The following AKAP8 variants were observed in gnomAD, a reference collection of about 807,000 sequenced individuals.
AKAP8 encodes the protein A-kinase anchor protein 8.
Under a neutral mutation model 67.5 loss-of-function variants are expected in AKAP8, and 24 were observed. The ratio of observed to expected loss-of-function variants is 0.36; its 90% CI spans 0.26 to 0.50. AKAP8 has a LOEUF of 0.50. AKAP8 is among the 20% of genes least tolerant of loss of function. The probability of loss-of-function intolerance (pLI) is 0.97; values close to 1 mark genes in which losing one functional copy is unlikely to be tolerated. For missense variants in AKAP8, 971 were observed against 955.9 expected (o/e 1.02, Z -0.21); for synonymous variants, 400 against 371.1 (o/e 1.08, Z -0.90).
At chr19:15,377,281 C>T (rs527447525) in intron 1 of AKAP8, among the ~76,000 whole-genome samples, 200 of 152,254 alleles carry the variant, frequency 1.3e-3, no homozygotes, top group African/African-American at 4.7e-3. Flanking sequence ...GGCCAAGGAC[C>T]TCACCTCTCC....
At position 15,360,861 on chromosome 19, in the gene AKAP8, T is replaced by C. The variant is rs748593622; in HGVS notation, c.1514A>G (p.Asn505Ser). The C allele has an allele frequency of 6.8e-6, 11 of 1,613,000 alleles. No homozygotes were observed. Among genetic ancestry groups the C allele is most frequent in the East Asian group, 2.2e-5 (1 of 44,872 alleles). Residue 505 changes from asparagine to serine, a missense_variant, in exon 12 of 14, where the codon AAT becomes AGT. By Grantham distance (46) the Asn-to-Ser change is conservative (BLOSUM62 1). Transcript: ENST00000269701. ...LQRHLHSVDH[N>S]HNRRLAAEQF... ...AGGAAGACTCACCCTGCGGTTGTGA[T>C]TGTGGTCCACGGAGTGCAGGTGCCG...
At chr19:15,370,058 A>AG (rs1967129032) in intron 8 of AKAP8, 88 bp downstream of exon 8, 20 of 1,531,514 alleles carry the variant, frequency 1.3e-5, no homozygotes, top group Non-Finnish European at 1.8e-5. Flanking sequence ...CCCTCCATCC[A>AG]GGCCCCTGGC....
At chr19:15,363,483 G>T (rs1322076338) in intron 9 of AKAP8, among the ~76,000 whole-genome samples, 6 of 134,404 alleles carry the variant, frequency 4.5e-5, no homozygotes, top group Admixed American at 7.2e-5. Context: ...GGAGGGAGGT[G>T]GGGGGGGTCA....
chr19:15,361,565 G>A, intron 11 of AKAP8, 164 bp downstream of exon 11: 1 of 579,822 alleles, frequency 1.7e-6, no homozygotes, highest in South Asian at 2.0e-5. Flanking sequence ...TGTCAGACAG[G>A]ATGGCCTTGA....
chr19:15,373,024 C>T lies in AKAP8; in HGVS notation c.688G>A (p.Val230Met), dbSNP rs1231034890. The T allele has an allele frequency of 3.1e-6, 5 of 1,589,128 alleles. No individual in the cohort carries two copies. The highest frequency in any genetic ancestry group is 2.7e-5 in the African/African-American group (2 of 74,458). ...LSTPWNELNYVGGRGLGGPSP... is the reference protein window; with the variant it reads ...LSTPWNELNYMGGRGLGGPSP... The stretch of plus-strand genomic sequence containing the variant: ...GGCCCTCCCAGGCCCCGTCCACCCA[C>T]GTAGTTCAGCTCGTTCCAGGGCGTG... Residue 230 changes from valine to methionine, a missense_variant, in exon 5 of 14, where the codon GTG (valine) becomes ATG (methionine). By Grantham distance (21) the Val-to-Met change is conservative (BLOSUM62 1). Around this residue, in one of 3 missense-constraint regions of AKAP8, gnomAD observed 763 missense variants for 745.4 expected, o/e 1.02. Coordinates refer to ENST00000269701, the MANE Select transcript of AKAP8 (RefSeq NM_005858.4).
intron 7 of AKAP8, among the ~76,000 whole-genome samples, chr19:15,370,945 T>C (rs1967146906): frequency 1.3e-5 from 2 of 152,160 alleles, no homozygotes. Flanking sequence ...TTACCCGATG[T>C]CTTAATAACA....
At chr19:15,363,454 C>T (rs1258040555) in intron 9 of AKAP8, among the ~76,000 whole-genome samples, 1 of 148,756 alleles carries the variant, frequency 6.7e-6, no homozygotes, top group Non-Finnish European at 1.5e-5. Context: ...CCCCCCTGCC[C>T]GGCCAGCCGC....
At chr19:15,378,557 G>A (rs1967299110) in intron 1 of AKAP8, among the ~76,000 whole-genome samples, 1 of 152,214 alleles carries the variant, frequency 6.6e-6, no homozygotes, top group South Asian at 2.1e-4. Flanking sequence ...GGAAGACCAG[G>A]AGAGCCAGGC....
chr19:15,361,744 GT>G lies in AKAP8; in HGVS notation c.1380del (p.Lys460AsnfsTer28). On this transcript the variant is annotated frameshift_variant, in exon 11 of 14. Coordinates refer to ENST00000269701, the MANE Select transcript of AKAP8 (RefSeq NM_005858.4). LOFTEE classifies it high-confidence loss of function. ...GACAACTCACCTTTGAAAGGATCTG[GT>G]TTTGGTTTTGCGGTTTCTTTCTCCA... ...ELMEKETAKP[K>X]PDPFKGIGQE... is the part of the protein sequence containing the mutation. 1 of 1,613,056 alleles carries G rather than the reference GT, an allele frequency of 6.2e-7. No individual in the cohort carries two copies. Among genetic ancestry groups the G allele is most frequent in the South Asian group, 1.1e-5 (1 of 91,064 alleles).
intron 3 of AKAP8, 57 bp from the exon 4 acceptor site, chr19:15,374,122 T>C (rs1258243590): frequency 6.6e-7 from 1 of 1,515,184 alleles, no homozygotes; most frequent in African/African-American, 1.4e-5. Context: ...CTGTCCATGG[T>C]GGACACAACC....
chr19:15,357,017 G>A (rs1294588105), intron 13 of AKAP8, among the ~76,000 whole-genome samples: 4 of 152,046 alleles, frequency 2.6e-5, no homozygotes, highest in African/African-American at 9.7e-5. Flanking sequence ...GGAGTGCAAT[G>A]GCGCGATCTT....
In AKAP8 at chr19:15,377,968, C is replaced by T. The variant is rs188991181; in HGVS notation, c.20-954G>A. Among the ~76,000 whole-genome samples the T allele has an allele frequency of 2.1e-3, 324 of 152,280 alleles. 3 individuals carry two copies. The highest frequency in any genetic ancestry group is 7.0e-3 in the African/African-American group (290 of 41,558). Reference sequence around the variant, plus strand: ...GTCCCTGGGGCCCAGCACTGAGCTGCGCGCGGGTGGCCACCATGCCTGTTA... The same window carrying T: ...GTCCCTGGGGCCCAGCACTGAGCTGTGCGCGGGTGGCCACCATGCCTGTTA... On this transcript the variant is annotated intron_variant, in intron 1 of 13. Transcript: ENST00000269701.
Position 15,373,052 on chromosome 19 carries a change from CA to C in AKAP8, c.659del (p.Leu220ArgfsTer8), listed in dbSNP as rs1568253527. 6.2e-7 allele frequency: 1 copy of C among 1,604,138 alleles called. No homozygotes were observed. The highest frequency in any genetic ancestry group is 1.3e-5 in the African/African-American group (1 of 74,888). ...AGTTCAGCTCGTTCCAGGGCGTGGACAGGGGCTCAGAGGACGCAGCGGGGGG... is the reference window on the plus strand; with the variant it reads ...AGTTCAGCTCGTTCCAGGGCGTGGACGGGGCTCAGAGGACGCAGCGGGGGG... ...FVPPAASSEPLSTPWNELNYV... is the reference protein window; with the variant it reads ...FVPPAASSEPXSTPWNELNYV... On this transcript the variant is annotated frameshift_variant, in exon 5 of 14. Coordinates refer to ENST00000269701, the MANE Select transcript of AKAP8 (RefSeq NM_005858.4). LOFTEE classifies it high-confidence loss of function.
At position 15,360,862 on chromosome 19, in the gene AKAP8, T is replaced by C. The variant is rs150603939; in HGVS notation, c.1513A>G (p.Asn505Asp). The C allele has an allele frequency of 1.1e-3, 1,822 of 1,613,258 alleles. 4 individuals are homozygous for C. The highest frequency in any genetic ancestry group is 1.6e-3 in the Admixed American group (93 of 59,928). The change falls in exon 12 of 14, where the codon AAT becomes GAT. Residue 505 changes from asparagine to aspartate, a missense_variant. Physicochemically the swap from Asn to Asp is conservative, Grantham distance 23 (BLOSUM62 1). Transcript: ENST00000269701. ...LQRHLHSVDH[N>D]HNRRLAAEQF... ...GGAAGACTCACCCTGCGGTTGTGAT[T>C]GTGGTCCACGGAGTGCAGGTGCCGC...
rs769909927 is a variant in AKAP8, at chr19:15,362,273, G to A, written c.1161-22C>T. The A allele has an allele frequency of 4.6e-5, 74 of 1,613,640 alleles. 1 individual carries two copies. The South Asian group carries it at 7.7e-4, about 17-fold the overall frequency. On this transcript the variant is annotated intron_variant, in intron 9 of 13. Coordinates refer to ENST00000269701, the MANE Select transcript of AKAP8 (RefSeq NM_005858.4). ...AATTCTGTAGAAGGAAAACAAGGAG[G>A]GGAGTGAAGCAGGGAGCATCAGCGA...
In AKAP8 at chr19:15,369,112, G is replaced by A. The variant is rs1188989829; in HGVS notation, c.1073-790C>T. 1.1e-5 allele frequency: 11 copies of A among 985,344 alleles called. No homozygotes were observed. In the Admixed American group the frequency reaches 4.3e-4, roughly 39 times the overall value. 61.0% of individuals were successfully genotyped at this position (985,344 alleles called of 1,614,324 possible). ...CTGTCCCACGAAGATGGCGACCGGCGTGCGCTGCTCAGAAGCCTCTCAAAA... is the reference window on the plus strand; with the variant it reads ...CTGTCCCACGAAGATGGCGACCGGCATGCGCTGCTCAGAAGCCTCTCAAAA... On this transcript the variant is annotated intron_variant, in intron 8 of 13. Transcript: ENST00000269701. This position sits in a 1 kb window ranked among gnomAD's most constrained non-coding sequence, Gnocchi z 4.6.
intron 11 of AKAP8, chr19:15,361,498 C>T: frequency 2.4e-6 from 1 of 411,722 alleles, no homozygotes; most frequent in Non-Finnish European, 4.5e-6. Context: ...CTACAGGTGC[C>T]CGCCACCACG....
At position 15,374,780 on chromosome 19, in the gene AKAP8, G is replaced by A. The variant is rs184125226; in HGVS notation, c.59-145C>T. Reference sequence around the variant, plus strand: ...AGGGAGACACCCTTGGGTGTTTTTAGCTCACTCAACTCCTACAGAGCACTA... The same window carrying A: ...AGGGAGACACCCTTGGGTGTTTTTAACTCACTCAACTCCTACAGAGCACTA... On this transcript the variant is annotated intron_variant, in intron 2 of 13. Transcript: ENST00000269701. 20 of 870,940 alleles carry A rather than the reference G, an allele frequency of 2.3e-5. No homozygotes were observed. In the Admixed American group the frequency reaches 3.7e-4, roughly 16 times the overall value. The allele number at this position is 870,940 out of a possible 1,614,324, so 54.0% of individuals were successfully genotyped here. A position where few individuals can be genotyped will look rare whatever the true frequency, so the allele number is the denominator to read the frequency against.
chr19:15,374,599 T>C lies in AKAP8; in HGVS notation c.91+4A>G, dbSNP rs764318495. The C allele has an allele frequency of 6.4e-7, 1 of 1,554,938 alleles. No homozygotes were observed. The highest frequency in any genetic ancestry group is 1.1e-5 in the South Asian group (1 of 90,050). Reference sequence around the variant, plus strand: ...CCACAGACCCCCCCCACAGAAGGGCTTACCTTGCCAGCTGGCCACACCAGT... The same window carrying C: ...CCACAGACCCCCCCCACAGAAGGGCCTACCTTGCCAGCTGGCCACACCAGT... On this transcript the variant is annotated splice_donor_region_variant and intron_variant, in intron 3 of 13. Coordinates refer to ENST00000269701, the MANE Select transcript of AKAP8 (RefSeq NM_005858.4).
Sources: gnomAD v4.1 joint callset for allele counts (sites outside exome capture counted in the v4.1 genomes callset) on GRCh38, gnomAD v4.1.1 for gene constraint, gnomAD v4.1.1 regional missense constraint, Gnocchi (gnomAD v3.1) non-coding constraint, MANE v1.5 for transcripts, NCBI Gene and HGNC (gene_info 2026-07-23, HGNC 2026-07-21) for gene names.